The following NRXN1 variants were observed in gnomAD, a reference collection of about 807,000 sequenced individuals.
NRXN1 encodes the protein neurexin 1, also known as neurexin-1.
In NRXN1, 39 loss-of-function variants were observed where a neutral mutation model predicts 150.9. The observed-to-expected ratio is 0.26, with a 90% CI of 0.20 to 0.34. The LOEUF (loss-of-function observed/expected upper bound fraction) is 0.34. Among genes scored for constraint, NRXN1 ranks in the 10% least tolerant of loss-of-function variants. The pLI is 1.00. For synonymous variants in NRXN1, 924 were observed against 757.0 expected, an observed-to-expected ratio of 1.22 and a Z score of -3.62; for missense variants, 1,815 against 1,949.9, an observed-to-expected ratio of 0.93 and a Z score of 1.30.
At position 49,919,040 on chromosome 2, in the gene NRXN1, A is replaced by C. The variant is rs1164522805; in HGVS notation, c.*2904T>G. 1 of 152,100 alleles carries C rather than the reference A, an allele frequency of 6.6e-6. No individual in the cohort carries two copies. Among genetic ancestry groups the C allele is most frequent in the African/African-American group, 2.4e-5 (1 of 41,448 alleles). The allele number at this position is 152,100 out of a possible 1,614,324, so 9.4% of individuals were successfully genotyped here. On this transcript the variant is annotated 3_prime_UTR_variant, in exon 23 of 23. Coordinates refer to ENST00000401669, the MANE Select transcript of NRXN1 (RefSeq NM_001330078.2). ...GGTAGGGTTATGTGGCCTTTCTTTG[A>C]TGTCTTAGGGATTGACCACTTCACA...
chr2:49,964,436 C>T (rs1445995450), intron 21 of NRXN1, among the ~76,000 whole-genome samples: 4 of 151,222 alleles, frequency 2.6e-5, no homozygotes, highest in East Asian at 2.0e-4. Context: ...AAAAATTAAT[C>T]GGGTGTGGTG....
intron 5 of NRXN1, among the ~76,000 whole-genome samples, chr2:50,893,770 G>A (rs1300291737): frequency 1.3e-5 from 2 of 152,012 alleles, no homozygotes; most frequent in Non-Finnish European, 2.9e-5. Context: ...TGGTACTATA[G>A]TTATCCTTCA....
At position 49,968,768 on chromosome 2, in the gene NRXN1, T is replaced by A. The variant is rs147248503; in HGVS notation, c.4129-24977A>T. Among the ~76,000 whole-genome samples, 625 of 152,200 alleles carry A rather than the reference T, an allele frequency of 4.1e-3. 3 individuals are homozygous for A. Among genetic ancestry groups the A allele is most frequent in the African/African-American group, 0.015 (604 of 41,560 alleles). On this transcript the variant is annotated intron_variant, in intron 21 of 22. Transcript: ENST00000401669. Reference sequence around the variant, plus strand: ...ATATAGAATACAATGAGCAAATATATTGACAAGACAATGAGCAAATATATA... The same window carrying A: ...ATATAGAATACAATGAGCAAATATAATGACAAGACAATGAGCAAATATATA...
intron 5 of NRXN1, among the ~76,000 whole-genome samples, chr2:50,714,944 T>A (rs1015934596): frequency 6.6e-6 from 1 of 152,118 alleles, no homozygotes; most frequent in Non-Finnish European, 1.5e-5. Flanking sequence ...TGGAAAAAGT[T>A]AAAAGTGCTA....
rs78784548 is a variant in NRXN1 at position 50,077,200 on chromosome 2, G to A, written c.3718+14123C>T. On this transcript the variant is annotated intron_variant, in intron 19 of 22. Coordinates refer to ENST00000401669, the MANE Select transcript of NRXN1 (RefSeq NM_001330078.2). ...ATAGAGTGCCCACTACAGACTGCAT[G>A]TCTAACTTATTGTTTCGGATACTAG... Among the ~76,000 whole-genome samples the A allele has an allele frequency of 1.6e-3, 242 of 152,262 alleles. 14 individuals carry two copies. In the East Asian group the frequency reaches 0.034, roughly 21 times the overall value.
intron 2 of NRXN1, among the ~76,000 whole-genome samples, chr2:50,955,320 T>C (rs920321744): frequency 2.0e-5 from 3 of 152,154 alleles, no homozygotes; most frequent in African/African-American, 4.8e-5. Flanking sequence ...CAGCTGTGTA[T>C]AGTCACAGCT....
intron 5 of NRXN1, among the ~76,000 whole-genome samples, chr2:50,789,640 C>T (rs1419482578): frequency 1.3e-5 from 2 of 152,024 alleles, no homozygotes; most frequent in South Asian, 2.1e-4. Flanking sequence ...TACGGAAAGA[C>T]GACTCAGATA....
chr2:50,657,128 A>G (rs1164881398), intron 5 of NRXN1, among the ~76,000 whole-genome samples: 1 of 151,974 alleles, frequency 6.6e-6, no homozygotes, highest in Non-Finnish European at 1.5e-5. Flanking sequence ...ACTCTATACA[A>G]TCTGGTCCAC....
chr2:50,624,531 A>C (rs1559037612), intron 5 of NRXN1, among the ~76,000 whole-genome samples: 2 of 152,118 alleles, frequency 1.3e-5, no homozygotes, highest in South Asian at 4.1e-4. Context: ...GAGAGACCAT[A>C]GAAAATTATC....
intron 2 of NRXN1, among the ~76,000 whole-genome samples, chr2:50,962,348 T>A (rs1440816395): frequency 6.6e-6 from 1 of 151,726 alleles, no homozygotes; most frequent in Non-Finnish European, 1.5e-5. Flanking sequence ...CTCTTGTTTC[T>A]TTTTTAGTAG....
chr2:50,535,722 C>T (rs868640445), intron 10 of NRXN1, among the ~76,000 whole-genome samples: 3 of 152,146 alleles, frequency 2.0e-5, no homozygotes, highest in African/African-American at 7.2e-5. Flanking sequence ...AAAATACTCT[C>T]TTCTTGTCTG....
At chr2:50,315,827 G>A (rs1233853079) in intron 17 of NRXN1, among the ~76,000 whole-genome samples, 2 of 152,112 alleles carry the variant, frequency 1.3e-5, no homozygotes, top group Non-Finnish European at 2.9e-5. Flanking sequence ...GAGGTCAATT[G>A]TGGAAGCACA....
chr2:50,338,724 T>G lies in NRXN1; in HGVS notation c.3365-101754A>C, dbSNP rs977120926. 1.7e-4 allele frequency among the ~76,000 whole-genome samples: 26 copies of G among 150,730 alleles called. No individual in the cohort carries two copies. In the South Asian group the frequency reaches 2.7e-3, roughly 16 times the overall value. On this transcript the variant is annotated intron_variant, in intron 17 of 22. Coordinates refer to ENST00000401669, the MANE Select transcript of NRXN1 (RefSeq NM_001330078.2). Reference sequence around the variant, plus strand: ...TAGAAAGAGAAAAAAAAAAAAAAGATAAAACAATGTGTTGCTGCATGCCCC... The same window carrying G: ...TAGAAAGAGAAAAAAAAAAAAAAGAGAAAACAATGTGTTGCTGCATGCCCC...
At chr2:50,239,567 G>A (rs1024341400) in intron 17 of NRXN1, among the ~76,000 whole-genome samples, 1 of 147,060 alleles carries the variant, frequency 6.8e-6, no homozygotes, top group East Asian at 2.0e-4. Context: ...TATATCTGAG[G>A]AAATTTAGTC....
At chr2:50,577,894 T>C (rs17040858) in intron 8 of NRXN1, among the ~76,000 whole-genome samples, 4,644 of 152,260 alleles carry the variant, frequency 0.031, 93 homozygotes, top group East Asian at 0.069. Flanking sequence ...TATGCAATAA[T>C]GTCATCTAAT....
chr2:50,070,369 C>T (rs1696064259), intron 19 of NRXN1, among the ~76,000 whole-genome samples: 1 of 152,144 alleles, frequency 6.6e-6, no homozygotes, highest in South Asian at 2.1e-4. Flanking sequence ...TCTTGGATTG[C>T]TGAAACACCT....
Position 50,390,994 on chromosome 2 carries a change from G to T in NRXN1, c.3364+74448C>A, listed in dbSNP as rs551383724. ...TAAGAATAAACCCCTGAAGCACAGA[G>T]TTGATGTCATTTATTCTAATATGCT... is the stretch of plus-strand genomic sequence containing the variant. On this transcript the variant is annotated intron_variant, in intron 17 of 22. Coordinates refer to ENST00000401669, the MANE Select transcript of NRXN1 (RefSeq NM_001330078.2). Among the ~76,000 whole-genome samples the T allele has an allele frequency of 2.6e-5, 4 of 152,262 alleles. 1 individual carries two copies. In the Middle Eastern group the frequency reaches 0.014, roughly 518 times the overall value.
chr2:50,015,516 CAAA>C (rs34466037), intron 21 of NRXN1, among the ~76,000 whole-genome samples: 14 of 31,322 alleles, frequency 4.5e-4, no homozygotes, highest in South Asian at 1.6e-3. Context: ...GGATTTCTGC[CAAA>C]AAAAAAAAAA....
At chr2:50,083,078 T>C (rs80202735) in intron 19 of NRXN1, among the ~76,000 whole-genome samples, 26,729 of 152,158 alleles carry the variant, frequency 0.18, 3,165 homozygotes, top group Middle Eastern at 0.26. Flanking sequence ...ATTGGCCCTG[T>C]GATACTCTGT....
Sources: gnomAD v4.1 joint callset for allele counts (sites outside exome capture counted in the v4.1 genomes callset) on GRCh38, gnomAD v4.1.1 for gene constraint, MANE v1.5 for transcripts, NCBI Gene and HGNC (gene_info 2026-07-23, HGNC 2026-07-21) for gene names.